RAB15: variants seen among roughly 807,000 people sequenced by gnomAD.
RAB15 encodes ras-related protein Rab-15.
Under a neutral mutation model 31.8 loss-of-function variants are expected in RAB15, and 13 were observed. The observed-to-expected ratio is 0.41, with a 90% CI of 0.27 to 0.65. The LOEUF is 0.65. Ranked by LOEUF, RAB15 falls within the 30% of genes least tolerant of loss-of-function variation. The probability of loss-of-function intolerance (pLI) is 0.32; values close to 1 mark genes in which losing one functional copy is unlikely to be tolerated. For synonymous variants in RAB15, 100 were observed against 105.6 expected (o/e 0.95, Z 0.33); for missense variants, 220 against 277.3 (o/e 0.79, Z 1.47).
At position 64,953,661 on chromosome 14, in the gene RAB15, ACT is replaced by A; in HGVS notation, c.125-1092_125-1091del. The A allele has an allele frequency of 2.9e-6, 1 of 343,606 alleles. No individual in the cohort carries two copies. The highest frequency in any genetic ancestry group is 4.1e-6 in the Non-Finnish European group (1 of 243,392). The allele number at this position is 343,606 out of a possible 1,614,324, so 21.3% of individuals were successfully genotyped here. A position where few individuals can be genotyped will look rare whatever the true frequency, so the allele number is the denominator to read the frequency against. ...AGCACCACCAGCAGCAGCCAGCTTG[ACT>A]CTGAGTGACAACAGAGAGATGAGGG... On this transcript the variant is annotated intron_variant, in intron 1 of 6. Transcript: ENST00000533601. The surrounding 1 kb of genome is among the most constrained non-coding windows in gnomAD (Gnocchi z 4.6).
intron 5 of RAB15, among the ~76,000 whole-genome samples, chr14:64,949,219 G>A (rs755539529): frequency 1.3e-4 from 20 of 152,324 alleles, no homozygotes; most frequent in Non-Finnish European, 2.5e-4. Context: ...ACTTAAAAGC[G>A]CTTGCCTTAG....
At position 64,953,705 on chromosome 14, in the gene RAB15, C is replaced by G; in HGVS notation, c.125-1134G>C. 1.3e-6 allele frequency: 1 copy of G among 776,408 alleles called. No individual in the cohort carries two copies. Among genetic ancestry groups the G allele is most frequent in the Non-Finnish European group, 1.6e-6 (1 of 639,054 alleles). 48.1% of individuals were successfully genotyped at this position (776,408 alleles called of 1,614,324 possible). Reference sequence around the variant, plus strand: ...AGATGAGGGAGGTTGTTTTGCTGACCATGCCTCTCCCCAACTCTAACTATA... The same window carrying G: ...AGATGAGGGAGGTTGTTTTGCTGACGATGCCTCTCCCCAACTCTAACTATA... On this transcript the variant is annotated intron_variant, in intron 1 of 6. Transcript: ENST00000533601. This position sits in a 1 kb window ranked among gnomAD's most constrained non-coding sequence, Gnocchi z 4.6.
rs994358791 is a variant in RAB15, at chr14:64,953,392, G to C, written c.125-821C>G. Among the ~76,000 whole-genome samples, 21 of 152,232 alleles carry C rather than the reference G, an allele frequency of 1.4e-4. No individual in the cohort carries two copies. Among genetic ancestry groups the C allele is most frequent in the African/African-American group, 4.6e-4 (19 of 41,460 alleles). On this transcript the variant is annotated intron_variant, in intron 1 of 6. Transcript: ENST00000533601. The surrounding 1 kb of genome is among the most constrained non-coding windows in gnomAD (Gnocchi z 4.6). ...GCACCTGGCCCAATTGACTGCAGCT[G>C]TCATGAGCTAGTGCAGGGCCGGGTA...
In RAB15 at chr14:64,972,096, G is replaced by T. The variant is rs1292362807; in HGVS notation, c.-20C>A. 2 of 1,579,940 alleles carry T rather than the reference G, an allele frequency of 1.3e-6. No homozygotes were observed. Among genetic ancestry groups the T allele is most frequent in the South Asian group, 1.1e-5 (1 of 88,116 alleles). ...CGCCATGACTGGGGCCAGCGGGGCCGGGAACTGCGGGCGGGCAGCGGGCTC... is the reference window on the plus strand; with the variant it reads ...CGCCATGACTGGGGCCAGCGGGGCCTGGAACTGCGGGCGGGCAGCGGGCTC... On this transcript the variant is annotated 5_prime_UTR_variant, in exon 1 of 7. Coordinates refer to ENST00000533601, the MANE Select transcript of RAB15 (RefSeq NM_001308154.2). The surrounding 1 kb of genome is among the most constrained non-coding windows in gnomAD (Gnocchi z 6.3).
intron 1 of RAB15, among the ~76,000 whole-genome samples, chr14:64,956,138 C>G (rs1886547615): frequency 6.6e-6 from 1 of 152,132 alleles, no homozygotes; most frequent in South Asian, 2.1e-4. Flanking sequence ...CGCGGTGGCT[C>G]ACACCAGTAA....
Position 64,954,570 on chromosome 14 carries a change from A to G in RAB15, c.125-1999T>C, listed in dbSNP as rs1006788990. 1.4e-5 allele frequency: 14 copies of G among 970,612 alleles called. No individual in the cohort carries two copies. The highest frequency in any genetic ancestry group is 4.8e-5 in the South Asian group (1 of 21,012). 60.1% of individuals were successfully genotyped at this position (970,612 alleles called of 1,614,324 possible). A position where few individuals can be genotyped will look rare whatever the true frequency, so the allele number is the denominator to read the frequency against. Reference sequence around the variant, plus strand: ...CCACAAACATTTATGGGAACTTCCTATGTGCCCTGCACAGTGCTCAGTGCA... The same window carrying G: ...CCACAAACATTTATGGGAACTTCCTGTGTGCCCTGCACAGTGCTCAGTGCA... On this transcript the variant is annotated intron_variant, in intron 1 of 6. Coordinates refer to ENST00000533601, the MANE Select transcript of RAB15 (RefSeq NM_001308154.2). The surrounding 1 kb of genome is among the most constrained non-coding windows in gnomAD (Gnocchi z 4.3).
Position 64,972,089 on chromosome 14 carries a change from CG to C in RAB15, c.-14del. ...ACTGCTTCGCCATGACTGGGGCCAG[CG>C]GGGCCGGGAACTGCGGGCGGGCAGC... On this transcript the variant is annotated 5_prime_UTR_variant, in exon 1 of 7. Transcript: ENST00000533601. The surrounding 1 kb of genome is among the most constrained non-coding windows in gnomAD (Gnocchi z 6.3). 6.3e-7 allele frequency: 1 copy of C among 1,591,092 alleles called. No homozygotes were observed.
chr14:64,971,914 G>A lies in RAB15; in HGVS notation c.124+39C>T, dbSNP rs1887446329. On this transcript the variant is annotated intron_variant, in intron 1 of 6. Coordinates refer to ENST00000533601, the MANE Select transcript of RAB15 (RefSeq NM_001308154.2). This position sits in a 1 kb window ranked among gnomAD's most constrained non-coding sequence, Gnocchi z 4.1. ...GGGGGCGGCGGGGAAAGGGGCCGCG[G>A]GCGGGGAGGGAGGGGCGCCCCGGGC... 6.5e-7 allele frequency: 1 copy of A among 1,536,722 alleles called. No homozygotes were observed. The highest frequency in any genetic ancestry group is 1.4e-5 in the African/African-American group (1 of 72,570).
chr14:64,964,259 C>T lies in RAB15; in HGVS notation c.124+7694G>A, dbSNP rs188522269. Among the ~76,000 whole-genome samples the T allele has an allele frequency of 1.6e-3, 237 of 152,162 alleles. 2 individuals are homozygous for T. The highest frequency in any genetic ancestry group is 1.8e-4 in the Non-Finnish European group (12 of 68,014). ...CACTTTTAGGCCGGGCGTGGTGGCT[C>T]ATGCCCGTAATCCCAGCACTTTGGG... On this transcript the variant is annotated intron_variant, in intron 1 of 6. Transcript: ENST00000533601.
intron 1 of RAB15, chr14:64,957,962 T>G (rs529028172): frequency 6.6e-6 from 1 of 152,444 alleles, no homozygotes; most frequent in Non-Finnish European, 1.5e-5. Context: ...CTCTTTTTTC[T>G]TGACGGAGTC....
chr14:64,950,186 T>A lies in RAB15; in HGVS notation c.414+139A>T. The A allele has an allele frequency of 1.4e-6, 1 of 732,006 alleles. No individual in the cohort carries two copies. The allele number at this position is 732,006 out of a possible 1,614,324, so 45.3% of individuals were successfully genotyped here. On this transcript the variant is annotated intron_variant, in intron 5 of 6. Coordinates refer to ENST00000533601, the MANE Select transcript of RAB15 (RefSeq NM_001308154.2). This position sits in a 1 kb window ranked among gnomAD's most constrained non-coding sequence, Gnocchi z 5.6. ...CAACAAGCCTTCCGAGGATGGCCAC[T>A]CCCCCAGGGCCTTGGGGTGCTGGGG... is the stretch of plus-strand genomic sequence containing the variant.
In RAB15 at chr14:64,954,111, C is replaced by T; in HGVS notation, c.125-1540G>A. On this transcript the variant is annotated intron_variant, in intron 1 of 6. Transcript: ENST00000533601. This position sits in a 1 kb window ranked among gnomAD's most constrained non-coding sequence, Gnocchi z 4.3. ...AAAGATGCAGAACGGGCAACCTGAA[C>T]TAAATCGATTTGGTCAGACGTGAAT... 1.0e-6 allele frequency: 1 copy of T among 985,458 alleles called. No homozygotes were observed. Among genetic ancestry groups the T allele is most frequent in the Non-Finnish European group, 1.2e-6 (1 of 829,928 alleles). 61.0% of individuals were successfully genotyped at this position (985,458 alleles called of 1,614,324 possible). A position where few individuals can be genotyped will look rare whatever the true frequency, so the allele number is the denominator to read the frequency against.
rs180838951 is a variant in RAB15, at chr14:64,961,120, C to T, written c.125-8549G>A. ...TTTCATTAGTAATGAGACTCCACAA[C>T]GAGGAACAACCTAATACACCTGAAA... On this transcript the variant is annotated intron_variant, in intron 1 of 6. Transcript: ENST00000533601. 3.9e-5 allele frequency among the ~76,000 whole-genome samples: 6 copies of T among 152,296 alleles called. No homozygotes were observed. The East Asian group carries it at 7.7e-4, about 20-fold the overall frequency.
Position 64,946,335 on chromosome 14 carries a change from A to G in RAB15, c.*2019T>C, listed in dbSNP as rs1403375613. The stretch of plus-strand genomic sequence containing the variant: ...CCACAGATTGGAGCCACTGCCCAAT[A>G]TAACTTCTCAAGTCCCTGGCTGAAG... On this transcript the variant is annotated 3_prime_UTR_variant, in exon 7 of 7. Coordinates refer to ENST00000533601, the MANE Select transcript of RAB15 (RefSeq NM_001308154.2). The G allele has an allele frequency of 1.3e-5, 2 of 152,206 alleles. No homozygotes were observed. Among genetic ancestry groups the G allele is most frequent in the Non-Finnish European group, 2.9e-5 (2 of 68,040 alleles). The allele number at this position is 152,206 out of a possible 1,614,324, so 9.4% of individuals were successfully genotyped here.
rs1254250436 is a variant in RAB15 at position 64,970,783 on chromosome 14, A to G, written c.124+1170T>C. ...TTCAAGGTTGCTTTGCCCCACAGTG[A>G]GGTCTCAGGTCTCTTGGACAATAAA... On this transcript the variant is annotated intron_variant, in intron 1 of 6. Coordinates refer to ENST00000533601, the MANE Select transcript of RAB15 (RefSeq NM_001308154.2). The surrounding 1 kb of genome is among the most constrained non-coding windows in gnomAD (Gnocchi z 4.1). Among the ~76,000 whole-genome samples the G allele has an allele frequency of 6.6e-6, 1 of 152,208 alleles. No homozygotes were observed. The highest frequency in any genetic ancestry group is 1.9e-4 in the East Asian group (1 of 5,194).
rs1055440522 is a variant in RAB15, at chr14:64,970,366, G to A, written c.124+1587C>T. 6.6e-6 allele frequency among the ~76,000 whole-genome samples: 1 copy of A among 152,158 alleles called. No homozygotes were observed. Among genetic ancestry groups the A allele is most frequent in the Non-Finnish European group, 1.5e-5 (1 of 68,036 alleles). On this transcript the variant is annotated intron_variant, in intron 1 of 6. Transcript: ENST00000533601. This position sits in a 1 kb window ranked among gnomAD's most constrained non-coding sequence, Gnocchi z 4.1. ...CCTGCCTCTTCCCCAAGTCCTCCCG[G>A]CAGGCACAAAGCCTTAGTGTCTATA...
At chr14:64,966,316 C>T (rs1887135316) in intron 1 of RAB15, among the ~76,000 whole-genome samples, 1 of 152,000 alleles carries the variant, frequency 6.6e-6, no homozygotes, top group Non-Finnish European at 1.5e-5. Flanking sequence ...GGATGACCTC[C>T]TAGCTCACTG....
intron 1 of RAB15, among the ~76,000 whole-genome samples, chr14:64,957,766 G>A (rs1303053015): frequency 6.6e-6 from 1 of 152,058 alleles, no homozygotes; most frequent in Non-Finnish European, 1.5e-5. Context: ...CCCACCCAGG[G>A]TATGCTTCAC....
intron 5 of RAB15, among the ~76,000 whole-genome samples, chr14:64,949,202 G>A (rs1206614708): frequency 6.6e-6 from 1 of 152,218 alleles, no homozygotes; most frequent in African/African-American, 2.4e-5. Context: ...ATTCAGTGGG[G>A]TCGTGCACTT....
Sources: allele counts gnomAD v4.1 joint callset (sites outside exome capture counted in the v4.1 genomes callset), GRCh38; gene constraint gnomAD v4.1.1; non-coding constraint Gnocchi (gnomAD v3.1); transcripts MANE v1.5; gene names NCBI Gene and HGNC (gene_info 2026-07-23, HGNC 2026-07-21).